Variants in NLK observed in about 807,000 individuals in gnomAD.
The protein encoded by NLK is serine/threonine-protein kinase NLK.
Under a neutral mutation model 59.0 loss-of-function variants are expected in NLK, and 11 were observed. That is an observed-to-expected ratio of 0.19 (90% CI 0.12 to 0.31). NLK has a LOEUF of 0.31. NLK is among the 10% of genes least tolerant of loss of function. The pLI is 1.00. For missense variants in NLK, 410 were observed against 661.1 expected (o/e 0.62, Z 4.16); for synonymous variants, 235 against 235.9 (o/e 1.00, Z 0.03).
chr17:28,043,620 A>C (rs1166794473), intron 1 of NLK, among the ~76,000 whole-genome samples: 1 of 152,238 alleles, frequency 6.6e-6, no homozygotes, highest in Non-Finnish European at 1.5e-5. Flanking sequence ...GGATCAGTAG[A>C]TGAATGTATG....
In NLK at chr17:28,163,605, G is replaced by A; in HGVS notation, c.814G>A (p.Val272Met). The A allele has an allele frequency of 6.2e-7, 1 of 1,604,062 alleles. No homozygotes were observed. Among genetic ancestry groups the A allele is most frequent in the African/African-American group, 1.3e-5 (1 of 74,812 alleles). Reference protein sequence around the residue: ...HRDIKPGNLLVNSNCVLKICD... With the variant: ...HRDIKPGNLLMNSNCVLKICD... ...AGACATTAAGCCAGGGAATCTCCTT[G>A]TGAACAGCAACTGTGTTCTAAAGGT... The change falls in exon 5 of 11, where the codon GTG becomes ATG. Residue 272 changes from valine (V) to methionine (M), a missense_variant. Physicochemically the swap from Val to Met is conservative, Grantham distance 21. Transcript: ENST00000407008.
chr17:28,086,917 G>A (rs1250263219), intron 1 of NLK, among the ~76,000 whole-genome samples: 8 of 151,380 alleles, frequency 5.3e-5, no homozygotes, highest in Admixed American at 2.6e-4. Flanking sequence ...TTGTGGTGGC[G>A]TGCACCTGTA....
chr17:28,098,046 A>G (rs938296090), intron 1 of NLK, among the ~76,000 whole-genome samples: 2 of 152,190 alleles, frequency 1.3e-5, no homozygotes, highest in African/African-American at 4.8e-5. Flanking sequence ...AATCTTCCTT[A>G]GAACTACAAA....
At chr17:28,180,438 C>G (rs899222235) in intron 7 of NLK, among the ~76,000 whole-genome samples, 1 of 152,104 alleles carries the variant, frequency 6.6e-6, no homozygotes. Flanking sequence ...AATAACTAAC[C>G]CAGGCCCTGA....
chr17:28,187,933 A>G (rs968235540), intron 8 of NLK, among the ~76,000 whole-genome samples: 1 of 152,220 alleles, frequency 6.6e-6, no homozygotes, highest in Non-Finnish European at 1.5e-5. Flanking sequence ...AGCATAGGGC[A>G]CAGTGGCTCA....
intron 1 of NLK, among the ~76,000 whole-genome samples, chr17:28,077,924 G>A (rs1174345608): frequency 6.6e-6 from 1 of 152,032 alleles, no homozygotes; most frequent in Non-Finnish European, 1.5e-5. Flanking sequence ...TGCACAGAAA[G>A]TTCTGCTTCT....
At chr17:28,187,821 T>C (rs1368081553) in intron 8 of NLK, among the ~76,000 whole-genome samples, 4 of 152,210 alleles carry the variant, frequency 2.6e-5, no homozygotes, top group African/African-American at 9.7e-5. Flanking sequence ...GTTATAAAGA[T>C]TTATCTAAGG....
chr17:28,174,104 A>G (rs1908579835), intron 7 of NLK, among the ~76,000 whole-genome samples: 1 of 152,198 alleles, frequency 6.6e-6, no homozygotes, highest in Non-Finnish European at 1.5e-5. Flanking sequence ...CTGCACCAAA[A>G]GTCACTGTGC....
chr17:28,182,705 C>G (rs1207882936), intron 7 of NLK, among the ~76,000 whole-genome samples: 5 of 151,774 alleles, frequency 3.3e-5, no homozygotes, highest in Admixed American at 2.0e-4. Context: ...CACCACCCCA[C>G]CCCTGTTTGG....
At chr17:28,137,186 A>G (rs942424593) in intron 3 of NLK, among the ~76,000 whole-genome samples, 1 of 152,158 alleles carries the variant, frequency 6.6e-6, no homozygotes, top group Non-Finnish European at 1.5e-5. Flanking sequence ...TTGTGTCTAC[A>G]GATTTTACAG....
intron 1 of NLK, among the ~76,000 whole-genome samples, chr17:28,073,910 G>A (rs1419292469): frequency 6.6e-6 from 1 of 152,186 alleles, no homozygotes; most frequent in East Asian, 1.9e-4. Context: ...TTCCTAGCAT[G>A]TAATATGCAT....
At chr17:28,065,822 C>A (rs1158001966) in intron 1 of NLK, among the ~76,000 whole-genome samples, 1 of 152,046 alleles carries the variant, frequency 6.6e-6, no homozygotes, top group African/African-American at 2.4e-5. Context: ...CTTTGTTGGG[C>A]CTTCAGTGTT....
rs539299053 is a variant in NLK, at chr17:28,094,061, A to G, written c.459-28542A>G. Among the ~76,000 whole-genome samples, 4 of 152,326 alleles carry G rather than the reference A, an allele frequency of 2.6e-5. No homozygotes were observed. The South Asian group carries it at 8.3e-4, about 32-fold the overall frequency. On this transcript the variant is annotated intron_variant, in intron 1 of 10. Coordinates refer to ENST00000407008, the MANE Select transcript of NLK (RefSeq NM_016231.5). ...TAACATTTTTACTAGAATATGATTA[A>G]TTCACAGATGCTGACAAAAGCCATT...
chr17:28,067,195 C>T (rs545969390), intron 1 of NLK, among the ~76,000 whole-genome samples: 2 of 152,202 alleles, frequency 1.3e-5, no homozygotes, highest in Non-Finnish European at 2.9e-5. Flanking sequence ...AAGAATTCTG[C>T]GTTTTCTTCT....
chr17:28,068,978 T>C (rs576139633), intron 1 of NLK, among the ~76,000 whole-genome samples: 2 of 152,272 alleles, frequency 1.3e-5, no homozygotes, highest in East Asian at 1.9e-4. Context: ...ACACCTAGCC[T>C]TTTTTGATGT....
chr17:28,112,122 G>T (rs980908721), intron 1 of NLK, among the ~76,000 whole-genome samples: 3 of 152,004 alleles, frequency 2.0e-5, no homozygotes, highest in African/African-American at 7.3e-5. Context: ...AGGACTGTGT[G>T]GGGGAGTTTA....
At chr17:28,168,712 A>C in intron 6 of NLK, 55 bp downstream of exon 6, 1 of 1,392,174 alleles carries the variant, frequency 7.2e-7, no homozygotes, top group Non-Finnish European at 1.0e-6. Flanking sequence ...TTGAAGGAAA[A>C]TCCATCTTGC....
At chr17:28,177,948 A>G (rs1908750810) in intron 7 of NLK, among the ~76,000 whole-genome samples, 1 of 152,170 alleles carries the variant, frequency 6.6e-6, no homozygotes, top group South Asian at 2.1e-4. Context: ...TCACATCGAT[A>G]TTCAAAGCAA....
chr17:28,149,890 G>GA lies in NLK; in HGVS notation c.645-11264dup, dbSNP rs1378934473. 2.0e-5 allele frequency among the ~76,000 whole-genome samples: 3 copies of GA among 152,116 alleles called. No homozygotes were observed. In the East Asian group the frequency reaches 5.8e-4, roughly 29 times the overall value. On this transcript the variant is annotated intron_variant, in intron 3 of 10. Coordinates refer to ENST00000407008, the MANE Select transcript of NLK (RefSeq NM_016231.5). ...ATTGAAGACAGTGACTTCTCATTTG[G>GA]AAAAAACATGGCAAGGGAAGGAATA...
Sources: allele counts gnomAD v4.1 joint callset (sites outside exome capture counted in the v4.1 genomes callset), GRCh38; gene constraint gnomAD v4.1.1; transcripts MANE v1.5; gene names NCBI Gene and HGNC (gene_info 2026-07-23, HGNC 2026-07-21).